The following AKAP5 variants were observed in gnomAD, a reference collection of about 807,000 sequenced individuals.
AKAP5 encodes the protein A-kinase anchoring protein 5.
AKAP5 carries 5 observed loss-of-function variants against 13.8 expected under a neutral mutation model. The ratio of observed to expected loss-of-function variants is 0.36; its 90% CI spans 0.19 to 0.76. AKAP5 has a LOEUF of 0.76. Ranked by LOEUF, AKAP5 falls within the 30% of genes least tolerant of loss-of-function variation. AKAP5 has a pLI of 0.51. For missense variants in AKAP5, 406 were observed against 484.4 expected, an observed-to-expected ratio of 0.84 and a Z score of 1.52; for synonymous variants, 148 against 167.2, an observed-to-expected ratio of 0.89 and a Z score of 0.89.
chr14:64,469,475 C>T lies in AKAP5; in HGVS notation c.1081C>T (p.Gln361Ter). The change falls in exon 2 of 2, where the codon CAA becomes TAA. Residue 361 changes from glutamine to a stop codon, truncating the protein, a stop_gained. Transcript: ENST00000394718. LOFTEE classifies it high-confidence loss of function. ...TACAAAATCTAAAAATGTCCCTAAG[C>T]AATTCTTAATTTCAGCTGAAAATGA... Reference protein sequence around the residue: ...DVTKSKNVPKQFLISAENEQV... With the variant: ...DVTKSKNVPK 6.2e-7 allele frequency: 1 copy of T among 1,613,164 alleles called. No individual in the cohort carries two copies. The highest frequency in any genetic ancestry group is 1.1e-5 in the South Asian group (1 of 90,694).
At chr14:64,467,655 GC>G (rs1207469942) in intron 1 of AKAP5, 1 of 151,664 alleles carries the variant, frequency 6.6e-6, no homozygotes, top group East Asian at 1.9e-4. Context: ...TAGTTGCATG[GC>G]TTTTGACAAG....
intron 1 of AKAP5, chr14:64,467,657 T>A (rs1265656332): frequency 6.6e-6 from 1 of 151,996 alleles, no homozygotes; most frequent in East Asian, 1.9e-4. Flanking sequence ...GTTGCATGGC[T>A]TTTGACAAGA....
At chr14:64,466,988 A>C (rs2078618789) in intron 1 of AKAP5, 1 of 152,254 alleles carries the variant, frequency 6.6e-6, no homozygotes, top group South Asian at 2.1e-4. Flanking sequence ...AACCAAAAAA[A>C]TAAAATATAA....
At position 64,468,718 on chromosome 14, in the gene AKAP5, A is replaced by G; in HGVS notation, c.324A>G (p.Ala108=). The change falls in exon 2 of 2, where the codon GCA becomes GCG. Residue 108 remains alanine, a synonymous_variant. Transcript: ENST00000394718. The stretch of plus-strand genomic sequence containing the variant: ...CATTGGAGGGTGAAATGCAACCTGC[A>G]ATAAATGCTGAGGATGCTGATCTTT... ...QKPLEGEMQP[A]INAEDADLSK... 6.2e-7 allele frequency: 1 copy of G among 1,614,216 alleles called. No homozygotes were observed. Among genetic ancestry groups the G allele is most frequent in the Non-Finnish European group, 8.5e-7 (1 of 1,180,038 alleles).
At position 64,472,733 on chromosome 14, in the gene AKAP5, T is replaced by G. The variant is rs1022834925; in HGVS notation, c.*3055T>G. On this transcript the variant is annotated 3_prime_UTR_variant, in exon 2 of 2. Coordinates refer to ENST00000394718, the MANE Select transcript of AKAP5 (RefSeq NM_004857.3). ...TCTAAGGTGATTCAAATTGTTTTATTGTTATAGAAATATGCAGAAATCAGA... is the reference window on the plus strand; with the variant it reads ...TCTAAGGTGATTCAAATTGTTTTATGGTTATAGAAATATGCAGAAATCAGA... 6.0e-6 allele frequency: 1 copy of G among 166,798 alleles called. No individual in the cohort carries two copies. Among genetic ancestry groups the G allele is most frequent in the South Asian group, 2.1e-4 (1 of 4,834 alleles). 10.3% of individuals were successfully genotyped at this position (166,798 alleles called of 1,614,324 possible). A position where few individuals can be genotyped will look rare whatever the true frequency, so the allele number is the denominator to read the frequency against.
Position 64,470,240 on chromosome 14 carries a change from G to A in AKAP5, c.*562G>A, listed in dbSNP as rs1336833639. Reference sequence around the variant, plus strand: ...TTTTCCCAATTTCAGCAGATAGTGTGCAGAATATGCATATTGATATTAAAC... The same window carrying A: ...TTTTCCCAATTTCAGCAGATAGTGTACAGAATATGCATATTGATATTAAAC... On this transcript the variant is annotated 3_prime_UTR_variant, in exon 2 of 2. Coordinates refer to ENST00000394718, the MANE Select transcript of AKAP5 (RefSeq NM_004857.3). 6.0e-6 allele frequency: 1 copy of A among 167,182 alleles called. No homozygotes were observed. Among genetic ancestry groups the A allele is most frequent in the African/African-American group, 2.4e-5 (1 of 41,456 alleles). 10.4% of individuals were successfully genotyped at this position (167,182 alleles called of 1,614,324 possible). A position where few individuals can be genotyped will look rare whatever the true frequency, so the allele number is the denominator to read the frequency against.
In AKAP5 at chr14:64,466,526, T is replaced by C. The variant is rs144795147; in HGVS notation, c.-264+913T>C. Reference sequence around the variant, plus strand: ...AGAGGTGAGAAGATTTAAACAGTTATCAGCTTAGGTTCTAGTGCTCACTGA... The same window carrying C: ...AGAGGTGAGAAGATTTAAACAGTTACCAGCTTAGGTTCTAGTGCTCACTGA... On this transcript the variant is annotated intron_variant, in intron 1 of 1. Coordinates refer to ENST00000394718, the MANE Select transcript of AKAP5 (RefSeq NM_004857.3). Among the ~76,000 whole-genome samples the C allele has an allele frequency of 5.6e-4, 86 of 152,356 alleles. 2 individuals are homozygous for C. In the East Asian group the frequency reaches 0.016, roughly 28 times the overall value.
chr14:64,471,155 T>C lies in AKAP5; in HGVS notation c.*1477T>C, dbSNP rs1275057354. The C allele has an allele frequency of 2.6e-5, 3 of 116,442 alleles. No homozygotes were observed. The highest frequency in any genetic ancestry group is 3.8e-5 in the Non-Finnish European group (2 of 53,150). 7.2% of individuals were successfully genotyped at this position (116,442 alleles called of 1,614,324 possible). A position where few individuals can be genotyped will look rare whatever the true frequency, so the allele number is the denominator to read the frequency against. On this transcript the variant is annotated 3_prime_UTR_variant, in exon 2 of 2. Coordinates refer to ENST00000394718, the MANE Select transcript of AKAP5 (RefSeq NM_004857.3). Reference sequence around the variant, plus strand: ...ACTTTTTCATCACTATTTTCTTTTCTTTTTTTTTTTTTTTTGAGATGGAGT... The same window carrying C: ...ACTTTTTCATCACTATTTTCTTTTCCTTTTTTTTTTTTTTTGAGATGGAGT...
rs762200937 is a variant in AKAP5 at position 64,468,594 on chromosome 14, G to A, written c.200G>A (p.Gly67Glu). Reference sequence around the variant, plus strand: ...GCAAGGAAGTGTCCACAAGAAGCAGGAGCTTCTGATCAGCCAGAGCCCACA... The same window carrying A: ...GCAAGGAAGTGTCCACAAGAAGCAGAAGCTTCTGATCAGCCAGAGCCCACA... Reference protein sequence around the residue: ...DVARKCPQEAGASDQPEPTRG... With the variant: ...DVARKCPQEAEASDQPEPTRG... Residue 67 changes from glycine (G) to glutamate (E), a missense_variant, in exon 2 of 2, where the codon GGA becomes GAA. Coordinates refer to ENST00000394718, the MANE Select transcript of AKAP5 (RefSeq NM_004857.3). The A allele has an allele frequency of 8.6e-5, 139 of 1,613,824 alleles. 4 individuals carry two copies. The South Asian group carries it at 1.4e-3, about 17-fold the overall frequency.
chr14:64,468,942 G>A lies in AKAP5; in HGVS notation c.548G>A (p.Ser183Asn). ...AAGGCTAAGTCAACCCAGGATCTAAGTGAAGGCATCTCACGGAAAGATGGT... is the reference window on the plus strand; with the variant it reads ...AAGGCTAAGTCAACCCAGGATCTAAATGAAGGCATCTCACGGAAAGATGGT... ...ATKAKSTQDL[S>N]EGISRKDGDE... Residue 183 changes from serine to asparagine, a missense_variant, in exon 2 of 2, where the codon AGT becomes AAT. Ser to Asn is a conservative substitution (Grantham distance 46). Coordinates refer to ENST00000394718, the MANE Select transcript of AKAP5 (RefSeq NM_004857.3). 6.2e-7 allele frequency: 1 copy of A among 1,614,216 alleles called. No individual in the cohort carries two copies. Among genetic ancestry groups the A allele is most frequent in the Non-Finnish European group, 8.5e-7 (1 of 1,180,050 alleles).
intron 1 of AKAP5, among the ~76,000 whole-genome samples, 172 bp downstream of exon 1, chr14:64,465,785 G>T (rs1395927315): frequency 6.6e-6 from 1 of 152,170 alleles, no homozygotes; most frequent in African/African-American, 2.4e-5. Context: ...TCCGCGGCCA[G>T]GGCGACCCTC....
At position 64,469,400 on chromosome 14, in the gene AKAP5, G is replaced by A. The variant is rs2078644457; in HGVS notation, c.1006G>A (p.Glu336Lys). 1 of 1,613,818 alleles carries A rather than the reference G, an allele frequency of 6.2e-7. No individual in the cohort carries two copies. Among genetic ancestry groups the A allele is most frequent in the Non-Finnish European group, 8.5e-7 (1 of 1,179,982 alleles). Reference protein sequence around the residue: ...KSKSEESKRMEPIAIIITDTE... With the variant: ...KSKSEESKRMKPIAIIITDTE... ...CAAATCAGAAGAAAGCAAAAGAATG[G>A]AGCCAATTGCTATTATTATTACAGA... The change falls in exon 2 of 2, where the codon GAG (glutamate) becomes AAG (lysine). Residue 336 changes from glutamate to lysine, a missense_variant. Physicochemically the swap from Glu to Lys is moderately conservative, Grantham distance 56 (BLOSUM62 1). Transcript: ENST00000394718.
In AKAP5 at chr14:64,472,679, C is replaced by T. The variant is rs2078686324; in HGVS notation, c.*3001C>T. 6.0e-6 allele frequency: 1 copy of T among 166,890 alleles called. No individual in the cohort carries two copies. 10.3% of individuals were successfully genotyped at this position (166,890 alleles called of 1,614,324 possible). ...ACTGGTCTCAATCTGATTATATGTG[C>T]TACATGGCCAAATCCTATTACAGTG... On this transcript the variant is annotated 3_prime_UTR_variant, in exon 2 of 2. Transcript: ENST00000394718.
chr14:64,466,807 C>T (rs2078617347), intron 1 of AKAP5, among the ~76,000 whole-genome samples: 1 of 152,184 alleles, frequency 6.6e-6, no homozygotes, highest in Admixed American at 6.5e-5. Context: ...TATTTTAGGG[C>T]ATCCACCCAC....
In AKAP5 at chr14:64,469,420, TAC is replaced by T; in HGVS notation, c.1028_1029del (p.Thr343ArgfsTer3). The T allele has an allele frequency of 2.5e-6, 4 of 1,613,744 alleles. No homozygotes were observed. The highest frequency in any genetic ancestry group is 3.4e-6 in the Non-Finnish European group (4 of 1,179,896). On this transcript the variant is annotated frameshift_variant, in exon 2 of 2. Transcript: ENST00000394718. LOFTEE classifies it high-confidence loss of function. ...GAATGGAGCCAATTGCTATTATTAT[TAC>T]AGACACTGAAATCAGTGAATTTGAT... Reference protein sequence around the residue: ...KRMEPIAIIITDTEISEFDVT... With the variant: ...KRMEPIAIIIXDTEISEFDVT...
At chr14:64,467,541 C>T (rs1373340612) in intron 1 of AKAP5, 4 of 152,054 alleles carry the variant, frequency 2.6e-5, no homozygotes, top group Non-Finnish European at 5.9e-5. Flanking sequence ...TGAAAAATAG[C>T]ACTTCCTTGA....
At position 64,468,809 on chromosome 14, in the gene AKAP5, A is replaced by C; in HGVS notation, c.415A>C (p.Ser139Arg). The C allele has an allele frequency of 6.2e-7, 1 of 1,614,210 alleles. No homozygotes were observed. The highest frequency in any genetic ancestry group is 8.5e-7 in the Non-Finnish European group (1 of 1,180,038). The change falls in exon 2 of 2, where the codon AGT (serine) becomes CGT (arginine). Residue 139 changes from serine to arginine, a missense_variant. By Grantham distance (110) the Ser-to-Arg change is moderately radical (BLOSUM62 -1). Transcript: ENST00000394718. ...AAAATTCCCAAGAGGGCCAAAAAGGAGTAATCATTCCAAAATTATAGAAGA... is the reference window on the plus strand; with the variant it reads ...AAAATTCCCAAGAGGGCCAAAAAGGCGTAATCATTCCAAAATTATAGAAGA... ...CIKFPRGPKR[S>R]NHSKIIEDSD...
chr14:64,468,322 C>T lies in AKAP5; in HGVS notation c.-73C>T. 3 of 1,391,738 alleles carry T rather than the reference C, an allele frequency of 2.2e-6. No homozygotes were observed. The highest frequency in any genetic ancestry group is 1.5e-5 in the South Asian group (1 of 66,348). 86.2% of individuals were successfully genotyped at this position (1,391,738 alleles called of 1,614,324 possible). On this transcript the variant is annotated 5_prime_UTR_variant, in exon 2 of 2. Transcript: ENST00000394718. Reference sequence around the variant, plus strand: ...TTTTACCTAGTGTGACATTTTTGCTCATCTTTTTGTCACAAAAGGCTGCTA... The same window carrying T: ...TTTTACCTAGTGTGACATTTTTGCTTATCTTTTTGTCACAAAAGGCTGCTA...
chr14:64,469,290 T>C lies in AKAP5; in HGVS notation c.896T>C (p.Ile299Thr), dbSNP rs373543681. The C allele has an allele frequency of 5.0e-6, 8 of 1,613,120 alleles. No homozygotes were observed. The African/African-American group carries it at 8.0e-5, about 16-fold the overall frequency. ...PNGKDYESTE[I>T]VAEETKPKDT... ...GGAAAAGACTATGAAAGTACAGAGA[T>C]TGTAGCTGAAGAAACTAAGCCAAAA... is the stretch of plus-strand genomic sequence containing the variant. The change falls in exon 2 of 2, where the codon ATT (isoleucine) becomes ACT (threonine). Residue 299 changes from isoleucine to threonine, a missense_variant. Transcript: ENST00000394718.
Sources: allele counts gnomAD v4.1 joint callset (sites outside exome capture counted in the v4.1 genomes callset), GRCh38; gene constraint gnomAD v4.1.1; transcripts MANE v1.5; gene names NCBI Gene and HGNC (gene_info 2026-07-23, HGNC 2026-07-21).